Variants in UNC79 observed in about 807,000 individuals in gnomAD.
The protein encoded by UNC79 is unc-79 subunit of NALCN channel complex.
Under a neutral mutation model 283.1 loss-of-function variants are expected in UNC79, and 37 were observed. The observed-to-expected ratio is 0.13, with a 90% confidence interval of 0.10 to 0.17. The LOEUF is 0.17. UNC79 is among the 10% of genes least tolerant of loss of function. The pLI is 1.00. For missense variants in UNC79, 2,272 were observed against 3,211.1 expected (o/e 0.71, Z 7.07); for synonymous variants, 1,107 against 1,200.2 (o/e 0.92, Z 1.61).
chr14:93,422,308 C>G (rs906202126), intron 1 of UNC79, among the ~76,000 whole-genome samples: 1 of 151,768 alleles, frequency 6.6e-6, no homozygotes, highest in African/African-American at 2.4e-5. Flanking sequence ...GACCGGGAAT[C>G]AATAGAAAGG....
At chr14:93,435,132 T>A (rs1406572286) in intron 1 of UNC79, among the ~76,000 whole-genome samples, 1 of 152,232 alleles carries the variant, frequency 6.6e-6, no homozygotes, top group Non-Finnish European at 1.5e-5. Context: ...AGCACTGCAG[T>A]TGTAGTCATT....
chr14:93,632,426 G>A (rs868713211), intron 31 of UNC79, among the ~76,000 whole-genome samples: 1 of 152,226 alleles, frequency 6.6e-6, no homozygotes, highest in African/African-American at 2.4e-5. Context: ...TGGGCTGGGT[G>A]TGGTGGCTCA....
At chr14:93,576,923 A>T (rs1318410499) in intron 17 of UNC79, among the ~76,000 whole-genome samples, 1 of 152,112 alleles carries the variant, frequency 6.6e-6, no homozygotes, top group Non-Finnish European at 1.5e-5. Context: ...AAGTGGGAGG[A>T]TTGCTTGAGT....
chr14:93,376,157 A>G (rs2054554302), intron 1 of UNC79, among the ~76,000 whole-genome samples: 1 of 152,224 alleles, frequency 6.6e-6, no homozygotes, highest in Non-Finnish European at 1.5e-5. Context: ...GGACTAAGAC[A>G]TGAATTATAA....
chr14:93,483,285 C>T (rs1218551337), intron 4 of UNC79, among the ~76,000 whole-genome samples: 1 of 152,136 alleles, frequency 6.6e-6, no homozygotes, highest in African/African-American at 2.4e-5. Flanking sequence ...ACAGAACTTC[C>T]TGTAATGATG....
In UNC79 at chr14:93,590,411, G is replaced by A. The variant is rs775051340; in HGVS notation, c.3033-3269G>A. Among the ~76,000 whole-genome samples the A allele has an allele frequency of 1.1e-3, 160 of 152,284 alleles. 3 individuals are homozygous for A. Among genetic ancestry groups the A allele is most frequent in the Non-Finnish European group, 1.2e-4 (8 of 68,028 alleles). On this transcript the variant is annotated intron_variant, in intron 22 of 48. Coordinates refer to ENST00000555664, the Ensembl canonical transcript of UNC79. ...TGGGGAAGAGTAGGAATGACCCGGA[G>A]GGAACAGTGTGAAGTTCGAGACCAT...
At chr14:93,417,524 G>A (rs369311392) in intron 1 of UNC79, among the ~76,000 whole-genome samples, 2,514 of 152,154 alleles carry the variant, frequency 0.017, 22 homozygotes, top group Non-Finnish European at 0.024. Context: ...CTCGAGGAGT[G>A]TCTTTGTGGC....
intron 1 of UNC79, among the ~76,000 whole-genome samples, chr14:93,401,301 G>A (rs1354183788): frequency 1.3e-5 from 2 of 152,110 alleles, no homozygotes; most frequent in East Asian, 1.9e-4. Context: ...GTTTTTGAGG[G>A]GTAGGATACA....
intron 5 of UNC79, among the ~76,000 whole-genome samples, chr14:93,489,830 C>T (rs2058637249): frequency 6.6e-6 from 1 of 152,186 alleles, no homozygotes; most frequent in Non-Finnish European, 1.5e-5. Context: ...TGGGGGCTCT[C>T]TACAGTGATC....
intron 30 of UNC79, among the ~76,000 whole-genome samples, chr14:93,626,118 G>A (rs1032203777): frequency 3.3e-5 from 5 of 151,960 alleles, no homozygotes; most frequent in Non-Finnish European, 4.4e-5. Context: ...ACCTCAACTG[G>A]GTCCTTCAAC....
At chr14:93,395,324 A>C (rs906523743) in intron 1 of UNC79, among the ~76,000 whole-genome samples, 14 of 152,228 alleles carry the variant, frequency 9.2e-5, no homozygotes, top group Admixed American at 2.0e-4. Context: ...TAGGTAATTT[A>C]TGAAGAAAAG....
At chr14:93,634,699 TC>T in intron 31 of UNC79, 62 bp downstream of exon 34, 1 of 1,367,202 alleles carries the variant, frequency 7.3e-7, no homozygotes, top group Non-Finnish European at 1.0e-6. Flanking sequence ...TTTCTCTGTG[TC>T]CACTCTGCTC....
chr14:93,701,840 G>A (rs530889165), intron 47 of UNC79, among the ~76,000 whole-genome samples: 4 of 152,260 alleles, frequency 2.6e-5, no homozygotes, highest in African/African-American at 9.6e-5. Flanking sequence ...ACATCAATGG[G>A]GAAATAATAA....
chr14:93,490,573 G>A (rs2058675200), intron 5 of UNC79, among the ~76,000 whole-genome samples: 2 of 152,172 alleles, frequency 1.3e-5, no homozygotes, highest in African/African-American at 2.4e-5. Flanking sequence ...ATTCAGCCAA[G>A]TTCTTTGTCA....
chr14:93,485,437 A>G (rs1410646749), intron 4 of UNC79, among the ~76,000 whole-genome samples: 1 of 152,016 alleles, frequency 6.6e-6, no homozygotes, highest in East Asian at 1.9e-4. Flanking sequence ...TTGCATCAGA[A>G]TCACCTGATG....
intron 14 of UNC79, among the ~76,000 whole-genome samples, chr14:93,549,102 C>T (rs1307140279): frequency 6.6e-6 from 1 of 152,174 alleles, no homozygotes; most frequent in African/African-American, 2.4e-5. Flanking sequence ...AACTTATGAT[C>T]AGCAATTAAT....
chr14:93,350,593 C>G (rs2089095), intron 1 of UNC79, among the ~76,000 whole-genome samples: 19,555 of 152,132 alleles, frequency 0.13, 1,660 homozygotes, highest in African/African-American at 0.24. Context: ...AATAGTCTTT[C>G]TAAAGGTTAG....
intron 7 of UNC79, among the ~76,000 whole-genome samples, chr14:93,502,573 T>G (rs1253991772): frequency 6.6e-6 from 1 of 152,260 alleles, no homozygotes; most frequent in African/African-American, 2.4e-5. Flanking sequence ...TATGCTTTTC[T>G]GCTTCTGTGG....
intron 1 of UNC79, among the ~76,000 whole-genome samples, chr14:93,422,378 C>G (rs2055619363): frequency 6.6e-6 from 1 of 152,006 alleles, no homozygotes; most frequent in Non-Finnish European, 1.5e-5. Flanking sequence ...GCAGATGAAG[C>G]CTCCAGGTAG....
Sources: gnomAD v4.1 joint callset for allele counts (sites outside exome capture counted in the v4.1 genomes callset) on GRCh38, gnomAD v4.1.1 for gene constraint, MANE v1.5 for transcripts, NCBI Gene and HGNC (gene_info 2026-07-23, HGNC 2026-07-21) for gene names.